The following AGBL4 variants were observed in gnomAD, a reference collection of about 807,000 sequenced individuals.
AGBL4 encodes cytosolic carboxypeptidase 6.
A neutral mutation model predicts 66.4 loss-of-function variants in AGBL4; 58 were observed. The observed-to-expected ratio is 0.87, with a 90% CI of 0.71 to 1.09. The LOEUF (loss-of-function observed/expected upper bound fraction) is 1.09. AGBL4 is among the 50% of genes least tolerant of loss of function. AGBL4 has a pLI of 0.00. For synonymous variants in AGBL4, 234 were observed against 222.9 expected (o/e 1.05, Z -0.44); for missense variants, 579 against 631.0 (o/e 0.92, Z 0.88).
At chr1:49,863,550 A>G (rs772697008) in intron 1 of AGBL4, among the ~76,000 whole-genome samples, 1 of 152,242 alleles carries the variant, frequency 6.6e-6, no homozygotes, top group Non-Finnish European at 1.5e-5. Context: ...AATAATTAAT[A>G]ACAAGAATAT....
At position 49,667,320 on chromosome 1, in the gene AGBL4, T is replaced by C. The variant is rs151256178; in HGVS notation, c.282+29993A>G. 4.6e-3 allele frequency among the ~76,000 whole-genome samples: 702 copies of C among 151,992 alleles called. 6 individuals are homozygous for C. Among genetic ancestry groups the C allele is most frequent in the African/African-American group, 0.016 (682 of 41,460 alleles). ...CAAAATTACAAAAATTAGCCAGCCA[T>C]GGTGGCACGTGCCTATAGTTACTGC... On this transcript the variant is annotated intron_variant, in intron 3 of 13. Transcript: ENST00000371839.
In AGBL4 at chr1:49,655,692, A is replaced by G. The variant is rs151167277; in HGVS notation, c.282+41621T>C. On this transcript the variant is annotated intron_variant, in intron 3 of 13. Transcript: ENST00000371839. ...TTCAACAGCTAGCAGAAGGCAAGAAATAACTAAGATCAGAGCAGAACTGAA... is the reference window on the plus strand; with the variant it reads ...TTCAACAGCTAGCAGAAGGCAAGAAGTAACTAAGATCAGAGCAGAACTGAA... Among the ~76,000 whole-genome samples, 49 of 152,362 alleles carry G rather than the reference A, an allele frequency of 3.2e-4. No individual in the cohort carries two copies. The East Asian group carries it at 9.5e-3, about 29-fold the overall frequency.
intron 3 of AGBL4, among the ~76,000 whole-genome samples, chr1:49,363,680 T>C (rs773412147): frequency 6.6e-6 from 1 of 152,230 alleles, no homozygotes; most frequent in Non-Finnish European, 1.5e-5. Context: ...AATACTAACT[T>C]GCTCAATAGT....
rs1289597442 is a variant in AGBL4 at position 48,534,070 on chromosome 1, T to C, written c.*103A>G. On this transcript the variant is annotated 3_prime_UTR_variant, in exon 14 of 14. Coordinates refer to ENST00000371839, the MANE Select transcript of AGBL4 (RefSeq NM_032785.4). The stretch of plus-strand genomic sequence containing the variant: ...CCCTTCCCTTTCACTAGCCTATGCA[T>C]TAATCCACAAATCCTTGGAAGCTAG... 6.6e-7 allele frequency: 1 copy of C among 1,515,448 alleles called. No homozygotes were observed. The allele number at this position is 1,515,448 out of a possible 1,614,324, so 93.9% of individuals were successfully genotyped here. A position where few individuals can be genotyped will look rare whatever the true frequency, so the allele number is the denominator to read the frequency against.
At chr1:48,581,887 CT>C (rs1185351081) in intron 11 of AGBL4, among the ~76,000 whole-genome samples, 1 of 152,182 alleles carries the variant, frequency 6.6e-6, no homozygotes, top group Admixed American at 6.5e-5. Context: ...GAACTCACAC[CT>C]AGGACTCTGA....
At chr1:49,374,020 A>G (rs1007918065) in intron 3 of AGBL4, among the ~76,000 whole-genome samples, 8 of 152,258 alleles carry the variant, frequency 5.3e-5, no homozygotes, top group African/African-American at 4.8e-5. Context: ...AAATCATAAA[A>G]TAACATCAAC....
intron 3 of AGBL4, among the ~76,000 whole-genome samples, chr1:49,284,990 C>T (rs1644369466): frequency 6.6e-6 from 1 of 150,708 alleles, no homozygotes; most frequent in Non-Finnish European, 1.5e-5. Flanking sequence ...CAAGGATACC[C>T]AGGAATTGAA....
At position 48,863,699 on chromosome 1, in the gene AGBL4, G is replaced by C. The variant is rs147704800; in HGVS notation, c.634+3492C>G. Among the ~76,000 whole-genome samples, 274 of 152,096 alleles carry C rather than the reference G, an allele frequency of 1.8e-3. 1 individual carries two copies. The highest frequency in any genetic ancestry group is 6.8e-3 in the Middle Eastern group (2 of 294). On this transcript the variant is annotated intron_variant, in intron 6 of 13. Transcript: ENST00000371839. The stretch of plus-strand genomic sequence containing the variant: ...GATGACAGATGTGTAATTACTAATG[G>C]GTAGAAATATAGACTAGTGGTTTAT...
chr1:49,049,547 G>T lies in AGBL4; in HGVS notation c.378-3747C>A, dbSNP rs552934650. ...TTTACCTCTAGTCATGGCATAGAGC[G>T]GTCTCAAGCAATACTTATTTATGTA... On this transcript the variant is annotated intron_variant, in intron 4 of 13. Transcript: ENST00000371839. Among the ~76,000 whole-genome samples the T allele has an allele frequency of 3.3e-5, 5 of 151,986 alleles. No individual in the cohort carries two copies. The South Asian group carries it at 1.0e-3, about 32-fold the overall frequency.
rs1649539338 is a variant in AGBL4, at chr1:49,514,173, A to G, written c.282+183140T>C. Reference sequence around the variant, plus strand: ...AATCATGTCATCTGCAAACAGGGACAATTTGACTTCCTCTTTTCCTAATTG... The same window carrying G: ...AATCATGTCATCTGCAAACAGGGACGATTTGACTTCCTCTTTTCCTAATTG... On this transcript the variant is annotated intron_variant, in intron 3 of 13. Coordinates refer to ENST00000371839, the MANE Select transcript of AGBL4 (RefSeq NM_032785.4). 5.9e-5 allele frequency among the ~76,000 whole-genome samples: 9 copies of G among 151,992 alleles called. No homozygotes were observed. In the South Asian group the frequency reaches 1.9e-3, roughly 32 times the overall value.
At chr1:48,857,594 G>T (rs560517443) in intron 6 of AGBL4, among the ~76,000 whole-genome samples, 1 of 152,004 alleles carries the variant, frequency 6.6e-6, no homozygotes, top group Non-Finnish European at 1.5e-5. Flanking sequence ...GGTGGCAGGC[G>T]CCTGCAGTCC....
intron 3 of AGBL4, among the ~76,000 whole-genome samples, chr1:49,554,899 G>A (rs1468835481): frequency 6.6e-6 from 1 of 152,112 alleles, no homozygotes; most frequent in Non-Finnish European, 1.5e-5. Flanking sequence ...CCTTCTGGTG[G>A]GTTCGTGGTC....
chr1:49,968,787 A>T (rs551681924), intron 1 of AGBL4, among the ~76,000 whole-genome samples: 1 of 152,334 alleles, frequency 6.6e-6, no homozygotes, highest in Non-Finnish European at 1.5e-5. Flanking sequence ...GAGCTCCAAA[A>T]GCCATCTTCG....
intron 6 of AGBL4, among the ~76,000 whole-genome samples, chr1:48,715,849 T>G (rs969866690): frequency 2.0e-5 from 3 of 152,210 alleles, no homozygotes; most frequent in Non-Finnish European, 2.9e-5. Context: ...GTTATTAAAT[T>G]TAATCACTTT....
At chr1:48,819,810 C>T (rs1485365617) in intron 6 of AGBL4, among the ~76,000 whole-genome samples, 2 of 152,158 alleles carry the variant, frequency 1.3e-5, no homozygotes, top group African/African-American at 4.8e-5. Flanking sequence ...AGTGTTCTTG[C>T]CAATAGGTGG....
intron 4 of AGBL4, among the ~76,000 whole-genome samples, chr1:49,091,729 C>T (rs1340172181): frequency 6.6e-6 from 1 of 152,078 alleles, no homozygotes; most frequent in Non-Finnish European, 1.5e-5. Context: ...CACATGCACG[C>T]ATATGTTTAT....
intron 6 of AGBL4, among the ~76,000 whole-genome samples, chr1:48,769,047 G>A (rs1469744155): frequency 6.6e-6 from 1 of 152,176 alleles, no homozygotes; most frequent in East Asian, 1.9e-4. Context: ...AACTTGTTTG[G>A]TGATTAGTCC....
intron 2 of AGBL4, chr1:49,846,508 G>T: frequency 1.3e-6 from 1 of 787,878 alleles, no homozygotes; most frequent in East Asian, 2.9e-5. Context: ...TTATCAACAG[G>T]GTGGAAACAG....
chr1:49,007,039 C>G (rs1413421728), intron 5 of AGBL4, among the ~76,000 whole-genome samples: 1 of 97,384 alleles, frequency 1.0e-5, no homozygotes, highest in Admixed American at 1.2e-4. Flanking sequence ...ACGACTTTGA[C>G]GAGCTGAGAG....
Sources: gnomAD v4.1 joint callset for allele counts (sites outside exome capture counted in the v4.1 genomes callset) on GRCh38, gnomAD v4.1.1 for gene constraint, MANE v1.5 for transcripts, NCBI Gene and HGNC (gene_info 2026-07-23, HGNC 2026-07-21) for gene names.